KCNIP4: variants seen among roughly 807,000 people sequenced by gnomAD.
The protein encoded by KCNIP4 is potassium voltage-gated channel interacting protein 4.
In KCNIP4, 12 loss-of-function variants were observed where a neutral mutation model predicts 34.0. The observed-to-expected ratio is 0.35, with a 90% CI of 0.23 to 0.57. The LOEUF is 0.57. Among genes scored for constraint, KCNIP4 ranks in the 20% least tolerant of loss-of-function variants. The pLI is 0.83. For synonymous variants in KCNIP4, 124 were observed against 102.2 expected (o/e 1.21, Z -1.29); for missense variants, 238 against 311.7 (o/e 0.76, Z 1.78).
chr4:21,189,262 C>A (rs938312362), intron 1 of KCNIP4, among the ~76,000 whole-genome samples: 1 of 152,136 alleles, frequency 6.6e-6, no homozygotes, highest in South Asian at 2.1e-4. Flanking sequence ...ACTATTGAGT[C>A]TTTTTAAAGG....
chr4:21,029,276 A>C (rs1410940025), intron 1 of KCNIP4, among the ~76,000 whole-genome samples: 1 of 152,134 alleles, frequency 6.6e-6, no homozygotes, highest in African/African-American at 2.4e-5. Flanking sequence ...AGGGGCTCTG[A>C]CTTAATTTTT....
intron 1 of KCNIP4, among the ~76,000 whole-genome samples, chr4:20,980,969 TA>T (rs1010514952): frequency 3.3e-5 from 5 of 152,334 alleles, no homozygotes; most frequent in Admixed American, 3.3e-4. Flanking sequence ...TCTAATTTTT[TA>T]TGGTGGTTTG....
At chr4:21,746,176 C>G (rs1716765082) in intron 1 of KCNIP4, among the ~76,000 whole-genome samples, 1 of 152,046 alleles carries the variant, frequency 6.6e-6, no homozygotes, top group African/African-American at 2.4e-5. Context: ...ATCCATAGAA[C>G]CTCATTTTAT....
At chr4:21,449,636 G>GTA (rs200001446) in intron 1 of KCNIP4, among the ~76,000 whole-genome samples, 11,976 of 147,360 alleles carry the variant, frequency 0.081, 775 homozygotes, top group African/African-American at 0.17. Flanking sequence ...TTATATATAT[G>GTA]TATATATATA....
intron 1 of KCNIP4, among the ~76,000 whole-genome samples, chr4:21,448,344 C>T (rs1038814514): frequency 6.6e-6 from 1 of 151,792 alleles, no homozygotes; most frequent in African/African-American, 2.4e-5. Context: ...TTTAAGGGCT[C>T]AAAAGAAAAT....
At chr4:20,794,107 G>C (rs1383041841) in intron 3 of KCNIP4, among the ~76,000 whole-genome samples, 1 of 152,088 alleles carries the variant, frequency 6.6e-6, no homozygotes, top group African/African-American at 2.4e-5. Context: ...CTTGCCTTCT[G>C]CCATGATTGT....
intron 1 of KCNIP4, among the ~76,000 whole-genome samples, chr4:21,421,259 T>C (rs1560388652): frequency 6.6e-6 from 1 of 152,142 alleles, no homozygotes; most frequent in East Asian, 1.9e-4. Context: ...GATCCAGCAA[T>C]CTCATTTCTG....
chr4:21,321,417 A>G (rs1714400649), intron 1 of KCNIP4, among the ~76,000 whole-genome samples: 2 of 152,190 alleles, frequency 1.3e-5, no homozygotes, highest in South Asian at 2.1e-4. Context: ...ATAAGAATCT[A>G]CAGATATTGG....
chr4:21,369,953 G>A (rs113440794), intron 1 of KCNIP4, among the ~76,000 whole-genome samples: 87,166 of 144,892 alleles, frequency 0.6, 28,269 homozygotes, highest in Non-Finnish European at 0.63. Context: ...TCAGCCTCCC[G>A]AGTAGCTGGG....
chr4:21,450,055 C>G (rs1728382829), intron 1 of KCNIP4, among the ~76,000 whole-genome samples: 1 of 152,114 alleles, frequency 6.6e-6, no homozygotes, highest in Non-Finnish European at 1.5e-5. Context: ...ATTGGGAAAA[C>G]AGTAGTTGAA....
At chr4:21,682,716 T>C (rs768715450) in intron 1 of KCNIP4, among the ~76,000 whole-genome samples, 3 of 152,088 alleles carry the variant, frequency 2.0e-5, no homozygotes, top group Non-Finnish European at 2.9e-5. Context: ...AAGTTATTAA[T>C]TGAACTAATT....
At chr4:21,322,459 T>A (rs1006839727) in intron 1 of KCNIP4, among the ~76,000 whole-genome samples, 3 of 152,144 alleles carry the variant, frequency 2.0e-5, no homozygotes, top group African/African-American at 7.2e-5. Context: ...CTATAACACA[T>A]AACAGTTACT....
chr4:21,479,380 A>G (rs1323550880), intron 1 of KCNIP4, among the ~76,000 whole-genome samples: 1 of 152,222 alleles, frequency 6.6e-6, no homozygotes, highest in Non-Finnish European at 1.5e-5. Context: ...GGGAAAGTGA[A>G]TAAGTGATGT....
chr4:21,143,709 CTT>C (rs57796174), intron 1 of KCNIP4, among the ~76,000 whole-genome samples: 11 of 147,152 alleles, frequency 7.5e-5, no homozygotes, highest in Admixed American at 6.8e-5. Context: ...ATCACAGTTT[CTT>C]TTTTTTTTTT....
intron 1 of KCNIP4, among the ~76,000 whole-genome samples, chr4:21,120,150 C>A (rs1319859453): frequency 2.0e-5 from 3 of 152,228 alleles, no homozygotes; most frequent in Non-Finnish European, 2.9e-5. Flanking sequence ...TGCTGAGGAG[C>A]CTTGGAGGCC....
intron 1 of KCNIP4, among the ~76,000 whole-genome samples, chr4:21,264,659 C>T (rs1761684407): frequency 6.6e-6 from 1 of 152,012 alleles, no homozygotes; most frequent in African/African-American, 2.4e-5. Context: ...CATATGATAG[C>T]CATGTAAGTT....
intron 1 of KCNIP4, among the ~76,000 whole-genome samples, chr4:20,886,819 A>G (rs1054761333): frequency 2.0e-5 from 3 of 152,206 alleles, no homozygotes; most frequent in Admixed American, 6.5e-5. Flanking sequence ...CTTCGAAACA[A>G]TATTCAATAT....
chr4:21,501,313 T>C (rs1733323413), intron 1 of KCNIP4, among the ~76,000 whole-genome samples: 1 of 150,174 alleles, frequency 6.7e-6, no homozygotes, highest in African/African-American at 2.5e-5. Context: ...GTTCAAGGAA[T>C]CCACAAATAA....
Position 21,815,650 on chromosome 4 carries a change from G to A in KCNIP4, c.61+132921C>T, listed in dbSNP as rs142838887. On this transcript the variant is annotated intron_variant, in intron 1 of 8. Coordinates refer to ENST00000382152, the MANE Select transcript of KCNIP4 (RefSeq NM_025221.6). ...GACAGAAAAAAAATTGCTATGTTTTGTTATCATTTGATATAAGCTGGATGC... is the reference window on the plus strand; with the variant it reads ...GACAGAAAAAAAATTGCTATGTTTTATTATCATTTGATATAAGCTGGATGC... Among the ~76,000 whole-genome samples, 50 of 152,188 alleles carry A rather than the reference G, an allele frequency of 3.3e-4. 1 individual carries two copies. Among genetic ancestry groups the A allele is most frequent in the African/African-American group, 1.2e-3 (49 of 41,540 alleles).
Sources: allele counts gnomAD v4.1 joint callset (sites outside exome capture counted in the v4.1 genomes callset), GRCh38; gene constraint gnomAD v4.1.1; transcripts MANE v1.5; gene names NCBI Gene and HGNC (gene_info 2026-07-23, HGNC 2026-07-21).